The following TFIP11 variants were observed in gnomAD, a reference collection of about 807,000 sequenced individuals.
TFIP11 encodes tuftelin interacting protein 11.
A neutral mutation model predicts 96.8 loss-of-function variants in TFIP11; 86 were observed. The ratio of observed to expected loss-of-function variants is 0.89; its 90% CI spans 0.75 to 1.06. The LOEUF (loss-of-function observed/expected upper bound fraction) is 1.06, where lower values mean the gene tolerates loss of function less well. TFIP11 is among the 50% of genes least tolerant of loss of function. TFIP11 has a pLI of 0.00. For synonymous variants in TFIP11, 405 were observed against 395.2 expected, an observed-to-expected ratio of 1.02 and a Z score of -0.29; for missense variants, 881 against 1,076.7, an observed-to-expected ratio of 0.82 and a Z score of 2.54.
In TFIP11 at chr22:26,501,993, G is replaced by A; in HGVS notation, c.708C>T (p.Pro236=). ...CTTCCACGGTCTTGTAAGAGTATTTGGGCTTCTTCTTGCTTCCACTTGGGT... is the reference window on the plus strand; with the variant it reads ...CTTCCACGGTCTTGTAAGAGTATTTAGGCTTCTTCTTGCTTCCACTTGGGT... ...RKDPSGSKKK[P]KYSYKTVEEL... Residue 236 remains proline, a synonymous_variant, in exon 8 of 15, where the codon CCC becomes CCT. Transcript: ENST00000407690. The A allele has an allele frequency of 1.2e-6, 2 of 1,613,722 alleles. No individual in the cohort carries two copies. The highest frequency in any genetic ancestry group is 1.7e-6 in the Non-Finnish European group (2 of 1,179,970).
At chr22:26,501,760 T>C (rs1268283877) in intron 8 of TFIP11, 140 bp downstream of exon 8, 7 of 594,716 alleles carry the variant, frequency 1.2e-5, no homozygotes, top group South Asian at 2.6e-5. Flanking sequence ...TACACTCCTA[T>C]AAATAAGTGA....
At chr22:26,511,159 G>A (rs1296924953) in intron 2 of TFIP11, 1 of 152,424 alleles carries the variant, frequency 6.6e-6, no homozygotes, top group Non-Finnish European at 1.5e-5. Flanking sequence ...GCAGGCTGAG[G>A]AGCAAGGAGA....
At chr22:26,506,673 C>A in intron 5 of TFIP11, 102 bp downstream of exon 5, 1 of 1,485,414 alleles carries the variant, frequency 6.7e-7, no homozygotes, top group Non-Finnish European at 9.2e-7. Flanking sequence ...GAGACACTCA[C>A]GAAATTCATT....
chr22:26,493,933 C>T (rs1921571637), intron 14 of TFIP11: 1 of 557,670 alleles, frequency 1.8e-6, no homozygotes, highest in South Asian at 2.1e-5. Context: ...GGGAAGATGC[C>T]CCTCTCAGTC....
In TFIP11 at chr22:26,491,844, C is replaced by A; in HGVS notation, c.*169G>T. 2 of 917,530 alleles carry A rather than the reference C, an allele frequency of 2.2e-6. No homozygotes were observed. Among genetic ancestry groups the A allele is most frequent in the Non-Finnish European group, 3.2e-6 (2 of 621,472 alleles). The allele number at this position is 917,530 out of a possible 1,614,324, so 56.8% of individuals were successfully genotyped here. ...TGAGGACTTGGTATAAAGATTCCTG[C>A]CCTACGTGGCATTGTCCCATTTTAC... On this transcript the variant is annotated 3_prime_UTR_variant, in exon 15 of 15. Coordinates refer to ENST00000407690, the MANE Select transcript of TFIP11 (RefSeq NM_012143.4).
At chr22:26,503,607 G>C (rs1923045936) in intron 7 of TFIP11, 59 bp downstream of exon 7, 8 of 1,594,334 alleles carry the variant, frequency 5.0e-6, no homozygotes, top group Non-Finnish European at 6.8e-6. Flanking sequence ...AGGGATAAAT[G>C]AACAGCCATT....
Position 26,496,237 on chromosome 22 carries a change from C to T in TFIP11, c.1685G>A (p.Arg562Gln), listed in dbSNP as rs556056607. 3.0e-5 allele frequency: 48 copies of T among 1,613,824 alleles called. No homozygotes were observed. The highest frequency in any genetic ancestry group is 3.8e-5 in the Non-Finnish European group (45 of 1,179,942). The part of the protein sequence containing the change: ...IHPWLPLMQA[R>Q]LEPLYSPIRS... ...GATGGGGGAATAGAGTGGCTCCAGC[C>T]GTGCCTGCATAAGGGGCAGCCATGG... Residue 562 changes from arginine (R) to glutamine (Q), a missense_variant, in exon 12 of 15, where the codon CGG (arginine) becomes CAG (glutamine). Transcript: ENST00000407690.
chr22:26,502,176 G>A, intron 7 of TFIP11, 124 bp from the exon 8 acceptor site: 2 of 1,237,950 alleles, frequency 1.6e-6, no homozygotes, highest in Non-Finnish European at 2.3e-6. Context: ...AGCTCTATAT[G>A]AAGGAAGGAA....
At chr22:26,496,350 C>T (rs1210539966) in intron 11 of TFIP11, 34 bp from the exon 12 acceptor site, 13 of 1,561,294 alleles carry the variant, frequency 8.3e-6, no homozygotes, top group Non-Finnish European at 1.1e-5. Flanking sequence ...GTTCATGTCG[C>T]CTGTGGGGCA....
chr22:26,502,967 C>A (rs1333536134), intron 7 of TFIP11, among the ~76,000 whole-genome samples: 10 of 152,182 alleles, frequency 6.6e-5, no homozygotes, highest in African/African-American at 2.2e-4. Flanking sequence ...TCAAATAACT[C>A]TTTCATGAAA....
chr22:26,501,249 A>G (rs960907790), intron 8 of TFIP11, among the ~76,000 whole-genome samples: 1 of 152,256 alleles, frequency 6.6e-6, no homozygotes, highest in Non-Finnish European at 1.5e-5. Context: ...TCTTAAAAAA[A>G]GAAAATACTC....
rs369735789 is a variant in TFIP11, at chr22:26,496,711, C to T, written c.1605+10G>A. The T allele has an allele frequency of 3.1e-6, 5 of 1,612,992 alleles. No homozygotes were observed. Among genetic ancestry groups the T allele is most frequent in the Admixed American group, 1.7e-5 (1 of 60,004 alleles). ...GTGATGACGACTGTTTCCCATGACT[C>T]TCATCCCACCTCCTTTTGCAGCTTG... On this transcript the variant is annotated intron_variant, in intron 11 of 14. Coordinates refer to ENST00000407690, the MANE Select transcript of TFIP11 (RefSeq NM_012143.4).
intron 3 of TFIP11, 35 bp downstream of exon 3, chr22:26,510,580 CAA>C (rs1185610490): frequency 3.3e-6 from 1 of 299,776 alleles, no homozygotes; most frequent in Non-Finnish European, 6.3e-6. Context: ...ACAAACCACA[CAA>C]AAATAACTAA....
intron 10 of TFIP11, 195 bp downstream of exon 10, chr22:26,498,674 C>G: frequency 1.8e-6 from 1 of 551,394 alleles, no homozygotes; most frequent in Non-Finnish European, 3.2e-6. Flanking sequence ...TCCCCAAACC[C>G]TATGGAAATA....
At position 26,506,427 on chromosome 22, in the gene TFIP11, A is replaced by G. The variant is rs2147145035; in HGVS notation, c.396T>C (p.Phe132=). ...GGNFKPSQKG[F]AGGTKSFMDF... ...CCATGAAAGATTTGGTTCCTCCTGCAAAACCTTTCTGGCTGGGCTTAAAAT... is the reference window on the plus strand; with the variant it reads ...CCATGAAAGATTTGGTTCCTCCTGCGAAACCTTTCTGGCTGGGCTTAAAAT... The change falls in exon 6 of 15, where the codon TTT becomes TTC. Residue 132 remains phenylalanine (F), a synonymous_variant. Transcript: ENST00000407690. The G allele has an allele frequency of 6.2e-7, 1 of 1,613,150 alleles. No individual in the cohort carries two copies. The highest frequency in any genetic ancestry group is 8.5e-7 in the Non-Finnish European group (1 of 1,179,736).
Position 26,492,047 on chromosome 22 carries a change from G to T in TFIP11, c.2480C>A (p.Thr827Asn). 1 of 1,606,308 alleles carries T rather than the reference G, an allele frequency of 6.2e-7. No individual in the cohort carries two copies. Among genetic ancestry groups the T allele is most frequent in the Non-Finnish European group, 8.5e-7 (1 of 1,176,440 alleles). The change falls in exon 15 of 15, where the codon ACC (threonine) becomes AAC (asparagine). Residue 827 changes from threonine (T) to asparagine (N), a missense_variant. Thr to Asn is a moderately conservative substitution (Grantham distance 65). Coordinates refer to ENST00000407690, the MANE Select transcript of TFIP11 (RefSeq NM_012143.4). ...CATGTCGATCAGGCTCTGCAGTGAG[G>T]TGGGCACCCACGTCTTCTCGCCCTG... Reference protein sequence around the residue: ...FVQGEKTWVPTSLQSLIDMAK With the variant: ...FVQGEKTWVPNSLQSLIDMAK
intron 2 of TFIP11, chr22:26,511,621 C>A (rs1602232737): frequency 6.6e-6 from 1 of 152,150 alleles, no homozygotes; most frequent in African/African-American, 2.4e-5. Flanking sequence ...GCACGTGAAG[C>A]GCCAAGCATG....
At chr22:26,499,850 C>T (rs183872511) in intron 8 of TFIP11, among the ~76,000 whole-genome samples, 1 of 152,286 alleles carries the variant, frequency 6.6e-6, no homozygotes, top group East Asian at 1.9e-4. Context: ...TAGGTTGGAT[C>T]ACTGTGAACA....
In TFIP11 at chr22:26,491,966, A is replaced by C; in HGVS notation, c.*47T>G. 6.6e-7 allele frequency: 1 copy of C among 1,510,084 alleles called. No individual in the cohort carries two copies. Among genetic ancestry groups the C allele is most frequent in the Non-Finnish European group, 9.0e-7 (1 of 1,111,602 alleles). The allele number at this position is 1,510,084 out of a possible 1,614,324, so 93.5% of individuals were successfully genotyped here. A position where few individuals can be genotyped will look rare whatever the true frequency, so the allele number is the denominator to read the frequency against. ...TAAAAATACTGTTTATTTACAGTAC[A>C]TCCCTCTTAGGGGCAAGTCTCTGAC... On this transcript the variant is annotated 3_prime_UTR_variant, in exon 15 of 15. Coordinates refer to ENST00000407690, the MANE Select transcript of TFIP11 (RefSeq NM_012143.4).
Sources: gnomAD v4.1 joint callset for allele counts (sites outside exome capture counted in the v4.1 genomes callset) on GRCh38, gnomAD v4.1.1 for gene constraint, MANE v1.5 for transcripts, NCBI Gene and HGNC (gene_info 2026-07-23, HGNC 2026-07-21) for gene names.